The following PLVAP variants were observed in gnomAD, a reference collection of about 807,000 sequenced individuals.
PLVAP encodes plasmalemma vesicle-associated protein.
A neutral mutation model predicts 43.1 loss-of-function variants in PLVAP; 34 were observed. That is an observed-to-expected ratio of 0.79 (90% CI 0.60 to 1.05). The LOEUF (loss-of-function observed/expected upper bound fraction) is 1.05. Ranked by LOEUF, PLVAP falls within the 50% of genes least tolerant of loss-of-function variation. The pLI is 0.00. For missense variants in PLVAP, 574 were observed against 593.4 expected, an observed-to-expected ratio of 0.97 and a Z score of 0.34; for synonymous variants, 241 against 237.3, an observed-to-expected ratio of 1.02 and a Z score of -0.14.
rs548554340 is a variant in PLVAP, at chr19:17,374,394, G to A, written c.369+2526C>T. ...GCAGGAGAATGGTATGAACGCAGAA[G>A]GTGGGGCTTGCAGTGAGCCGAGACT... On this transcript the variant is annotated intron_variant, in intron 1 of 5. Transcript: ENST00000252590. 2.2e-3 allele frequency among the ~76,000 whole-genome samples: 335 copies of A among 152,064 alleles called. 2 individuals carry two copies. Among genetic ancestry groups the A allele is most frequent in the African/African-American group, 7.8e-3 (323 of 41,504 alleles).
At chr19:17,367,404 T>C (rs550758331) in intron 1 of PLVAP, among the ~76,000 whole-genome samples, 13 of 144,056 alleles carry the variant, frequency 9.0e-5, no homozygotes, top group Non-Finnish European at 3.0e-5. Context: ...TTTTTTTTTC[T>C]TGAGACAGAG....
intron 3 of PLVAP, among the ~76,000 whole-genome samples, chr19:17,364,760 C>T (rs928005159): frequency 4.1e-5 from 6 of 147,636 alleles, no homozygotes; most frequent in Non-Finnish European, 7.4e-5. Context: ...CCTCTAATTC[C>T]AGTCTTTTTT....
At chr19:17,353,285 C>G (rs572005243) in intron 5 of PLVAP, among the ~76,000 whole-genome samples, 1 of 152,346 alleles carries the variant, frequency 6.6e-6, no homozygotes, top group East Asian at 1.9e-4. Flanking sequence ...TGCCAGCCTG[C>G]AAGGCTCCAT....
chr19:17,372,282 G>A (rs62129168), intron 1 of PLVAP, among the ~76,000 whole-genome samples: 49,879 of 149,110 alleles, frequency 0.33, 8,638 homozygotes, highest in Non-Finnish European at 0.38. Flanking sequence ...GGTGGCGGGT[G>A]CCTGTAATCC....
At chr19:17,369,003 A>C (rs1310736618) in intron 1 of PLVAP, among the ~76,000 whole-genome samples, 1 of 152,026 alleles carries the variant, frequency 6.6e-6, no homozygotes, top group Non-Finnish European at 1.5e-5. Context: ...ACAAACAAAC[A>C]AAAACCTGGA....
chr19:17,355,936 G>A (rs1253213725), intron 5 of PLVAP, among the ~76,000 whole-genome samples: 1 of 152,106 alleles, frequency 6.6e-6, no homozygotes, highest in Non-Finnish European at 1.5e-5. Context: ...TCTGCCTCAT[G>A]TGATCTGCAG....
Position 17,360,810 on chromosome 19 carries a change from G to A in PLVAP, c.1202C>T (p.Ser401Leu), listed in dbSNP as rs752008307. Reference sequence around the variant, plus strand: ...GTTGGGGACAGGGCCCATGGGCCTTGACACTGGCATCATCGGCTGCGACTG... The same window carrying A: ...GTTGGGGACAGGGCCCATGGGCCTTAACACTGGCATCATCGGCTGCGACTG... ...KTKSQPMMPV[S>L]RPMGPVPNPQ... Residue 401 changes from serine to leucine, a missense_variant, in exon 4 of 6, where the codon TCA (serine) becomes TTA (leucine). Coordinates refer to ENST00000252590, the MANE Select transcript of PLVAP (RefSeq NM_031310.3). The A allele has an allele frequency of 6.2e-7, 1 of 1,614,048 alleles. No homozygotes were observed.
Position 17,365,741 on chromosome 19 carries a change from TC to T in PLVAP, c.723del (p.Trp241Ter). The T allele has an allele frequency of 4.3e-6, 7 of 1,614,098 alleles. No individual in the cohort carries two copies. Among genetic ancestry groups the T allele is most frequent in the Non-Finnish European group, 5.9e-6 (7 of 1,180,030 alleles). ...DKFEMDLRNLWRDSIIPRSLD... is the reference protein window; with the variant it reads ...DKFEMDLRNLXRDSIIPRSLD... ...AGGCTGCGTGGGATAATGGAGTCCC[TC>T]CACAGGTTACGAAGGTCCATCTCAA... On this transcript the variant is annotated frameshift_variant, in exon 3 of 6. Coordinates refer to ENST00000252590, the MANE Select transcript of PLVAP (RefSeq NM_031310.3). LOFTEE classifies it high-confidence loss of function.
chr19:17,366,165 C>A lies in PLVAP; in HGVS notation c.400G>T (p.Ala134Ser). The A allele has an allele frequency of 6.2e-7, 1 of 1,614,122 alleles. No individual in the cohort carries two copies. Among genetic ancestry groups the A allele is most frequent in the Middle Eastern group, 1.6e-4 (1 of 6,062 alleles). Residue 134 changes from alanine (A) to serine (S), a missense_variant, in exon 2 of 6, where the codon GCT becomes TCT. Transcript: ENST00000252590. ...TGCTTCTCACTCAAGATGATGGCAG[C>A]CATGTACCTCTGATTGTTCGTGTAG... ...VIYTNNQRYM[A>S]AIILSEKQCR...
chr19:17,370,743 A>C (rs1027257142), intron 1 of PLVAP, among the ~76,000 whole-genome samples: 1 of 151,912 alleles, frequency 6.6e-6, no homozygotes, highest in African/African-American at 2.4e-5. Flanking sequence ...TCAATGTACA[A>C]CTCTGTGAAT....
chr19:17,377,252 G>A lies in PLVAP; in HGVS notation c.37C>T (p.Arg13Trp), dbSNP rs370989890. ...LAMEHGGSYA[R>W]AGGSSRGCWY... is the part of the protein sequence containing the mutation. ...CAGCCCCGAGAGCTGCCCCCCGCCC[G>A]AGCGTAGGACCCTCCGTGCTCCATG... is the stretch of plus-strand genomic sequence containing the variant. The change falls in exon 1 of 6, where the codon CGG becomes TGG. Residue 13 changes from arginine to tryptophan, a missense_variant. Transcript: ENST00000252590. 3.2e-5 allele frequency: 52 copies of A among 1,613,680 alleles called. No individual in the cohort carries two copies. Among genetic ancestry groups the A allele is most frequent in the Middle Eastern group, 3.3e-4 (2 of 6,080 alleles).
intron 1 of PLVAP, among the ~76,000 whole-genome samples, chr19:17,376,382 C>T (rs146643168): frequency 7.7e-4 from 117 of 152,000 alleles, no homozygotes; most frequent in African/African-American, 2.7e-3. Flanking sequence ...CCCAGCTACT[C>T]AGGAGGCTGA....
chr19:17,358,407 A>G (rs1161914404), intron 5 of PLVAP, among the ~76,000 whole-genome samples: 1 of 152,182 alleles, frequency 6.6e-6, no homozygotes, highest in East Asian at 1.9e-4. Flanking sequence ...CCAGAATGAC[A>G]ATAGCTCCGT....
intron 1 of PLVAP, among the ~76,000 whole-genome samples, 174 bp from the exon 2 acceptor site, chr19:17,366,369 A>T (rs994395923): frequency 6.6e-6 from 1 of 152,074 alleles, no homozygotes; most frequent in Non-Finnish European, 1.5e-5. Context: ...TGTCATCCCA[A>T]TTACTTGGGA....
intron 1 of PLVAP, among the ~76,000 whole-genome samples, chr19:17,375,440 C>T (rs998666454): frequency 6.6e-6 from 1 of 152,080 alleles, no homozygotes; most frequent in Non-Finnish European, 1.5e-5. Flanking sequence ...TCAAATATTG[C>T]ATGGAATATA....
chr19:17,376,784 C>G, intron 1 of PLVAP, 136 bp downstream of exon 1: 2 of 921,758 alleles, frequency 2.2e-6, no homozygotes, highest in Admixed American at 2.8e-5. Flanking sequence ...GGAGACGGAG[C>G]GAGACTCTGT....
At position 17,352,074 on chromosome 19, in the gene PLVAP, T is replaced by A; in HGVS notation, c.*288A>T. 1 of 506,852 alleles carries A rather than the reference T, an allele frequency of 2.0e-6. No homozygotes were observed. The highest frequency in any genetic ancestry group is 3.6e-6 in the Non-Finnish European group (1 of 278,344). 31.4% of individuals were successfully genotyped at this position (506,852 alleles called of 1,614,324 possible). A position where few individuals can be genotyped will look rare whatever the true frequency, so the allele number is the denominator to read the frequency against. ...ACGACGCCATCGCTATATCTCTTCG[T>A]GACGTCTACATGGCCACGTGACGCC... On this transcript the variant is annotated 3_prime_UTR_variant, in exon 6 of 6. Transcript: ENST00000252590.
Position 17,352,275 on chromosome 19 carries a change from G to T in PLVAP, c.*87C>A. 6.4e-6 allele frequency: 10 copies of T among 1,557,322 alleles called. No individual in the cohort carries two copies. The highest frequency in any genetic ancestry group is 7.9e-6 in the Non-Finnish European group (9 of 1,133,256). ...GGGTGGTTGGGGGCGGCGGGAGGGGGTTGTGTCGGGCGCTGTGAGCATATC... is the reference window on the plus strand; with the variant it reads ...GGGTGGTTGGGGGCGGCGGGAGGGGTTTGTGTCGGGCGCTGTGAGCATATC... On this transcript the variant is annotated 3_prime_UTR_variant, in exon 6 of 6. Coordinates refer to ENST00000252590, the MANE Select transcript of PLVAP (RefSeq NM_031310.3).
At position 17,352,147 on chromosome 19, in the gene PLVAP, A is replaced by G. The variant is rs564227100; in HGVS notation, c.*215T>C. On this transcript the variant is annotated 3_prime_UTR_variant, in exon 6 of 6. Coordinates refer to ENST00000252590, the MANE Select transcript of PLVAP (RefSeq NM_031310.3). Reference sequence around the variant, plus strand: ...TCAGCGCCGTTGCTTGCGTGACGTCATCTCCGCGGCCGTGTGCTCTGGGTG... The same window carrying G: ...TCAGCGCCGTTGCTTGCGTGACGTCGTCTCCGCGGCCGTGTGCTCTGGGTG... The G allele has an allele frequency of 1.6e-6, 1 of 617,810 alleles. No homozygotes were observed. Among genetic ancestry groups the G allele is most frequent in the South Asian group, 2.0e-5 (1 of 49,292 alleles). 38.3% of individuals were successfully genotyped at this position (617,810 alleles called of 1,614,324 possible). A position where few individuals can be genotyped will look rare whatever the true frequency, so the allele number is the denominator to read the frequency against.
Sources: allele counts gnomAD v4.1 joint callset (sites outside exome capture counted in the v4.1 genomes callset), GRCh38; gene constraint gnomAD v4.1.1; transcripts MANE v1.5; gene names NCBI Gene and HGNC (gene_info 2026-07-23, HGNC 2026-07-21).